DMD: variants seen among roughly 807,000 people sequenced by gnomAD.
The protein encoded by DMD is dystrophin.
DMD carries 63 observed loss-of-function variants against 330.1 expected under a neutral mutation model. The ratio of observed to expected loss-of-function variants is 0.19; its 90% CI spans 0.16 to 0.24. The LOEUF is 0.24. Among genes scored for constraint, DMD ranks in the 10% least tolerant of loss-of-function variants. The pLI is 1.00. For missense variants in DMD, 3,344 were observed against 2,684.1 expected (o/e 1.25, Z -5.43); for synonymous variants, 1,223 against 959.8 (o/e 1.27, Z -5.07).
chrX:32,824,399 G>A (rs2148856655), intron 4 of DMD, among the ~76,000 whole-genome samples: 1 of 112,033 alleles, frequency 8.9e-6, no homozygotes, highest in South Asian at 3.7e-4. Context: ...GCCACACCAT[G>A]GAATAACACT....
rs954231884 is a variant in DMD at position 32,428,183 on chromosome X, A to G, written c.4071+10058T>C. On this transcript the variant is annotated intron_variant, in intron 29 of 78. Coordinates refer to ENST00000357033, the MANE Select transcript of DMD (RefSeq NM_004006.3). ...AGTTTTCAGCCCTTCCGTCTCTTCT[A>G]CAAAAATTAACAGGAACCAATTAGT... Among the ~76,000 whole-genome samples, 11 of 111,376 alleles carry G rather than the reference A, an allele frequency of 9.9e-5. No individual in the cohort carries two copies. The East Asian group carries it at 1.7e-3, about 17-fold the overall frequency.
intron 12 of DMD, among the ~76,000 whole-genome samples, chrX:32,609,114 A>T (rs808517): frequency 0.56 from 60,493 of 108,724 alleles, 14,059 homozygotes; most frequent in African/African-American, 0.9. Flanking sequence ...TTTTGTTCAT[A>T]TCCTAAATCT....
At chrX:31,291,901 T>G (rs937178183) in intron 62 of DMD, among the ~76,000 whole-genome samples, 1 of 111,193 alleles carries the variant, frequency 9.0e-6, no homozygotes, top group African/African-American at 3.3e-5. Flanking sequence ...CTGGGCCAAC[T>G]AGATATCCAT....
At chrX:31,641,345 CA>C (rs11354755) in intron 54 of DMD, among the ~76,000 whole-genome samples, 18,687 of 106,700 alleles carry the variant, frequency 0.18, 1,811 homozygotes, top group African/African-American at 0.34. Context: ...ACTAAAAATA[CA>C]AAAAAAATTA....
chrX:32,565,927 A>G (rs779690715), intron 15 of DMD, 46 bp from the exon 16 acceptor site: 3 of 1,072,752 alleles, frequency 2.8e-6, no homozygotes, highest in African/African-American at 1.8e-5. Flanking sequence ...GTTGCATTCC[A>G]TACACCACTA....
At chrX:32,802,344 T>G (rs189267400) in intron 7 of DMD, among the ~76,000 whole-genome samples, 6 of 112,007 alleles carry the variant, frequency 5.4e-5, no homozygotes, top group Non-Finnish European at 1.1e-4. Flanking sequence ...TTTTTCCACA[T>G]CGATTTTGTA....
intron 2 of DMD, among the ~76,000 whole-genome samples, chrX:32,910,428 C>A (rs2087121860): frequency 9.0e-6 from 1 of 111,066 alleles, no homozygotes; most frequent in African/African-American, 3.3e-5. Flanking sequence ...AATGCAATTT[C>A]TTTTTCTTTT....
rs754265253 is a variant in DMD at position 31,182,827 on chromosome X, C to T, written c.9885G>A (p.Leu3295=). 4.1e-6 allele frequency: 5 copies of T among 1,209,330 alleles called. No homozygotes were observed. Among genetic ancestry groups the T allele is most frequent in the Non-Finnish European group, 4.5e-6 (4 of 894,507 alleles). The change falls in exon 68 of 79, where the codon CTG becomes CTA. Residue 3295 remains leucine (L), a synonymous_variant. Transcript: ENST00000357033. ...CAGCAGCCACTCTGTGCAGGACGGG[C>T]AGCCACACCATGGACTGGGGTTCCA... ...MRLEPQSMVW[L]PVLHRVAAAE... is the part of the protein sequence containing the mutation.
intron 42 of DMD, among the ~76,000 whole-genome samples, chrX:32,306,207 G>A (rs2097539628): frequency 9.0e-6 from 1 of 111,146 alleles, no homozygotes; most frequent in Non-Finnish European, 1.9e-5. Flanking sequence ...TAAGCACTTA[G>A]AATAGTGTGT....
intron 44 of DMD, among the ~76,000 whole-genome samples, chrX:31,992,067 G>T (rs1027780556): frequency 9.0e-6 from 1 of 111,684 alleles, no homozygotes; most frequent in Admixed American, 9.5e-5. Flanking sequence ...AGAACAGCAG[G>T]GGATTACTAT....
intron 43 of DMD, among the ~76,000 whole-genome samples, chrX:32,231,279 T>A (rs2097168289): frequency 8.9e-6 from 1 of 112,562 alleles, no homozygotes; most frequent in African/African-American, 3.2e-5. Flanking sequence ...AGATTTTGAT[T>A]TCGAGGCAAG....
chrX:32,043,469 A>C (rs2096028972), intron 44 of DMD, among the ~76,000 whole-genome samples: 1 of 112,490 alleles, frequency 8.9e-6, no homozygotes, highest in African/African-American at 3.2e-5. Flanking sequence ...AGTGAATGCA[A>C]TACTTGCATA....
intron 44 of DMD, among the ~76,000 whole-genome samples, chrX:32,003,275 T>C (rs1425561753): frequency 8.9e-6 from 1 of 112,142 alleles, no homozygotes; most frequent in Non-Finnish European, 1.9e-5. Flanking sequence ...TCAGTGATTT[T>C]AGTTAGCCAA....
chrX:32,800,943 T>C (rs1420018713), intron 7 of DMD, among the ~76,000 whole-genome samples: 1 of 111,708 alleles, frequency 9.0e-6, no homozygotes, highest in Admixed American at 9.6e-5. Flanking sequence ...CTTTATCCAG[T>C]CTATCATTGA....
rs202090289 is a variant in DMD, at chrX:31,836,739, T to A, written c.7179A>T (p.Lys2393Asn). ...LSKGQHLYKE[K>N]PATQPVKRKL... ...TTACCTTCACTGGCTGAGTGGCTGG[T>A]TTTTCCTTGTACAAATGCTGCCCTT... The change falls in exon 49 of 79, where the codon AAA (lysine) becomes AAT (asparagine). Residue 2393 changes from lysine to asparagine, a missense_variant. Lys to Asn is a moderately conservative substitution (Grantham distance 94). Transcript: ENST00000357033. 1.2e-4 allele frequency: 143 copies of A among 1,208,391 alleles called. No individual in the cohort carries two copies. In the South Asian group the frequency reaches 2.3e-3, roughly 20 times the overall value.
At chrX:31,609,600 T>G (rs1231226784) in intron 55 of DMD, among the ~76,000 whole-genome samples, 1 of 111,950 alleles carries the variant, frequency 8.9e-6, no homozygotes, top group Non-Finnish European at 1.9e-5. Flanking sequence ...AAATTCTTGT[T>G]TTTCTGGTGG....
At chrX:32,756,385 T>C (rs1320112001) in intron 7 of DMD, 1 of 111,734 alleles carries the variant, frequency 8.9e-6, no homozygotes, top group Non-Finnish European at 1.9e-5. Context: ...AATGTGAATG[T>C]CTAGTAGGTC....
At chrX:32,501,673 T>C in intron 19 of DMD, 82 bp downstream of exon 19, 1 of 698,326 alleles carries the variant, frequency 1.4e-6, no homozygotes, top group East Asian at 3.4e-5. Context: ...AGTGCTTGTC[T>C]GATATAATTC....
chrX:31,959,226 C>T (rs2095276624), intron 45 of DMD, among the ~76,000 whole-genome samples: 1 of 111,613 alleles, frequency 9.0e-6, no homozygotes, highest in Non-Finnish European at 1.9e-5. Flanking sequence ...GGATGCAAAT[C>T]TAAAGCATAT....
Sources: gnomAD v4.1 joint callset for allele counts (sites outside exome capture counted in the v4.1 genomes callset) on GRCh38, gnomAD v4.1.1 for gene constraint, MANE v1.5 for transcripts, NCBI Gene and HGNC (gene_info 2026-07-23, HGNC 2026-07-21) for gene names.